Variants in EXOC2 observed in about 807,000 individuals in gnomAD.
EXOC2 encodes the protein exocyst complex component 2.
A neutral mutation model predicts 131.8 loss-of-function variants in EXOC2; 70 were observed. The observed-to-expected ratio is 0.53, with a 90% CI of 0.44 to 0.65. The LOEUF is 0.65. Among genes scored for constraint, EXOC2 ranks in the 30% least tolerant of loss-of-function variants. The probability of loss-of-function intolerance (pLI) is 0.00; values close to 1 mark genes in which losing one functional copy is unlikely to be tolerated. For synonymous variants in EXOC2, 411 were observed against 398.4 expected (o/e 1.03, Z -0.38); for missense variants, 923 against 1,108.6 (o/e 0.83, Z 2.38).
In EXOC2 at chr6:542,929, C is replaced by T. The variant is rs185031507; in HGVS notation, c.2238+6246G>A. ...ACGGAGCTTAGCTCTTCAGGCAGTA[C>T]GGAGTCCTGAAACACAGGAGGAGGA... On this transcript the variant is annotated intron_variant, in intron 22 of 27. Transcript: ENST00000230449. Among the ~76,000 whole-genome samples, 9 of 152,262 alleles carry T rather than the reference C, an allele frequency of 5.9e-5. No homozygotes were observed. In the East Asian group the frequency reaches 9.6e-4, roughly 16 times the overall value.
intron 11 of EXOC2, among the ~76,000 whole-genome samples, chr6:582,359 T>C (rs965464002): frequency 5.9e-5 from 9 of 152,188 alleles, no homozygotes; most frequent in South Asian, 2.1e-4. Flanking sequence ...CCTTCATGCC[T>C]ACTACAGCAA....
chr6:588,793 C>T (rs980614547), intron 11 of EXOC2, among the ~76,000 whole-genome samples: 11 of 151,534 alleles, frequency 7.3e-5, no homozygotes, highest in Non-Finnish European at 1.6e-4. Context: ...TACAAGAAAG[C>T]TTCTGTCACC....
intron 1 of EXOC2, among the ~76,000 whole-genome samples, chr6:676,174 G>C (rs71545200): frequency 1.1e-4 from 4 of 37,502 alleles, no homozygotes; most frequent in African/African-American, 1.5e-4. Context: ...GAAAGGACAG[G>C]TTCCTCTGGA....
intron 23 of EXOC2, among the ~76,000 whole-genome samples, chr6:507,147 CACA>C (rs1235484153): frequency 1.2e-5 from 1 of 83,214 alleles, no homozygotes; most frequent in African/African-American, 3.7e-5. Flanking sequence ...TACACACACA[CACA>C]CAAGAAGTGA....
Position 617,794 on chromosome 6 carries a change from T to C in EXOC2, c.578A>G (p.Gln193Arg). Residue 193 changes from glutamine to arginine, a missense_variant, in exon 6 of 28, where the codon CAG (glutamine) becomes CGG (arginine). Transcript: ENST00000230449. ...GCTGCCCTCACTCTTCTTGTTAGCC[T>C]GTCTCTTTAGGTTGGTGACTGCCAT... ...LKMAVTNLKRQANKKSEGSLA... is the reference protein window; with the variant it reads ...LKMAVTNLKRRANKKSEGSLA... The C allele has an allele frequency of 6.2e-7, 1 of 1,613,592 alleles. No homozygotes were observed. Among genetic ancestry groups the C allele is most frequent in the Non-Finnish European group, 8.5e-7 (1 of 1,179,758 alleles).
chr6:507,249 C>CCA (rs1240414252), intron 23 of EXOC2, among the ~76,000 whole-genome samples: 3 of 81,486 alleles, frequency 3.7e-5, no homozygotes, highest in Admixed American at 1.5e-4. Context: ...AGTGACCCCC[C>CCA]CACACACACA....
At position 577,863 on chromosome 6, in the gene EXOC2, C is replaced by T. The variant is rs115051044; in HGVS notation, c.1193-981G>A. 7.6e-3 allele frequency among the ~76,000 whole-genome samples: 1,150 copies of T among 152,280 alleles called. 18 individuals are homozygous for T. The highest frequency in any genetic ancestry group is 0.026 in the African/African-American group (1,092 of 41,550). ...ATTTAAACCCACATCCTGAAAGATG[C>T]CACTTGAAATACAGCTATTACACAA... On this transcript the variant is annotated intron_variant, in intron 11 of 27. Transcript: ENST00000230449.
intron 1 of EXOC2, among the ~76,000 whole-genome samples, chr6:654,836 A>AAAAAAAAT (rs1762996512): frequency 7.0e-6 from 1 of 143,726 alleles, no homozygotes; most frequent in Non-Finnish European, 1.5e-5. Flanking sequence ...AAAAAAAAAA[A>AAAAAAAAT]AGTAGAGCCT....
chr6:679,202 A>G (rs1764288075), intron 1 of EXOC2: 1 of 150,518 alleles, frequency 6.6e-6, no homozygotes, highest in South Asian at 2.1e-4. Flanking sequence ...AAGTCTGCAA[A>G]TATATTCAAA....
At chr6:567,836 C>G (rs1025361884) in intron 13 of EXOC2, among the ~76,000 whole-genome samples, 1 of 152,200 alleles carries the variant, frequency 6.6e-6, no homozygotes, top group Non-Finnish European at 1.5e-5. Context: ...CTGCCCCAAA[C>G]GCTCTGGGTC....
intron 23 of EXOC2, among the ~76,000 whole-genome samples, chr6:513,044 T>G (rs1764940378): frequency 1.3e-5 from 2 of 152,232 alleles, no homozygotes; most frequent in African/African-American, 4.8e-5. Context: ...AGGCCGACTC[T>G]GCGACTCTAT....
Position 485,283 on chromosome 6 carries a change from G to T in EXOC2, c.*1388C>A, listed in dbSNP as rs1446139409. The T allele has an allele frequency of 6.6e-6, 1 of 152,150 alleles. No individual in the cohort carries two copies. 9.4% of individuals were successfully genotyped at this position (152,150 alleles called of 1,614,324 possible). A position where few individuals can be genotyped will look rare whatever the true frequency, so the allele number is the denominator to read the frequency against. On this transcript the variant is annotated 3_prime_UTR_variant, in exon 28 of 28. Transcript: ENST00000230449. ...TACAACAGTTAACATACTTAGGAAA[G>T]ACAATTCTTAACAGCTTTATCAAGC...
intron 23 of EXOC2, among the ~76,000 whole-genome samples, chr6:529,148 A>C: frequency 6.6e-6 from 1 of 150,596 alleles, no homozygotes; most frequent in Non-Finnish European, 1.5e-5. Flanking sequence ...CTGCTCACTC[A>C]AGTGCTGCCA....
At chr6:685,022 G>C (rs1301948054) in intron 1 of EXOC2, among the ~76,000 whole-genome samples, 5 of 152,050 alleles carry the variant, frequency 3.3e-5, no homozygotes, top group African/African-American at 4.8e-5. Flanking sequence ...CTGAAGACTA[G>C]GATAACCTCT....
chr6:638,771 A>C (rs1762217869), intron 1 of EXOC2, among the ~76,000 whole-genome samples: 2 of 152,088 alleles, frequency 1.3e-5, no homozygotes, highest in African/African-American at 4.8e-5. Context: ...CTTTACTAAA[A>C]ATACAAAAAT....
intron 17 of EXOC2, among the ~76,000 whole-genome samples, chr6:558,298 T>C (rs1169912796): frequency 6.6e-6 from 1 of 152,116 alleles, no homozygotes; most frequent in Non-Finnish European, 1.5e-5. Context: ...TTATAAAGAA[T>C]ACTTAAAAGT....
Position 529,116 on chromosome 6 carries a change from A to ACC in EXOC2, c.2380+3351_2380+3352dup, listed in dbSNP as rs11458521. Among the ~76,000 whole-genome samples, 919 of 134,572 alleles carry ACC rather than the reference A, an allele frequency of 6.8e-3. 51 individuals are homozygous for ACC. Among genetic ancestry groups the ACC allele is most frequent in the Middle Eastern group, 0.043 (11 of 258 alleles). 88.3% of individuals were successfully genotyped at this position (134,572 alleles called of 152,430 possible). On this transcript the variant is annotated intron_variant, in intron 23 of 27. Coordinates refer to ENST00000230449, the MANE Select transcript of EXOC2 (RefSeq NM_018303.6). ...GTTAGCCCGGCATCGCCTGCCTTTT[A>ACC]CCCCCCCCCGCGCCCTGGTTACTGC...
intron 17 of EXOC2, among the ~76,000 whole-genome samples, chr6:562,295 A>C (rs2127582493): frequency 6.6e-6 from 1 of 151,670 alleles, no homozygotes; most frequent in African/African-American, 2.4e-5. Flanking sequence ...AACCCGTGAA[A>C]TCATGAAGAT....
chr6:618,531 T>C (rs1051233393), intron 5 of EXOC2, among the ~76,000 whole-genome samples: 3 of 152,222 alleles, frequency 2.0e-5, no homozygotes, highest in Middle Eastern at 3.2e-3. Context: ...CTTATAATAA[T>C]AGAAATTCTA....
Sources: allele counts gnomAD v4.1 joint callset (sites outside exome capture counted in the v4.1 genomes callset), GRCh38; gene constraint gnomAD v4.1.1; transcripts MANE v1.5; gene names NCBI Gene and HGNC (gene_info 2026-07-23, HGNC 2026-07-21).